Variants in COPS9 observed in about 807,000 individuals in gnomAD.
COPS9 encodes COP9 signalosome subunit 9, also known as COP9 signalosome complex subunit 9.
COPS9 carries 8 observed loss-of-function variants against 7.2 expected under a neutral mutation model. The ratio of observed to expected loss-of-function variants is 1.11; its 90% CI spans 0.65 to 2.00. The LOEUF (loss-of-function observed/expected upper bound fraction) is 2.00. Among genes scored for constraint, COPS9 ranks in the 30% most tolerant of loss-of-function variants. The pLI is 0.00. For missense variants in COPS9, 74 were observed against 77.7 expected (o/e 0.95, Z 0.18); for synonymous variants, 39 against 28.7 (o/e 1.36, Z -1.14).
chr2:240,132,109 C>T lies in COPS9; in HGVS notation c.137-1021G>A, dbSNP rs1445108861. ...CACCTTCCGACCTCTGCTCTGCTGC[C>T]CCCTCTGGAGAAACCTCCCTCTGCA... On this transcript the variant is annotated intron_variant, in intron 2 of 2. Coordinates refer to ENST00000607357, the MANE Select transcript of COPS9 (RefSeq NM_001163424.2). This position sits in a 1 kb window ranked among gnomAD's most constrained non-coding sequence, Gnocchi z 4.1. Among the ~76,000 whole-genome samples the T allele has an allele frequency of 6.6e-6, 1 of 152,202 alleles. No homozygotes were observed. The highest frequency in any genetic ancestry group is 1.5e-5 in the Non-Finnish European group (1 of 68,044).
intron 1 of COPS9, among the ~76,000 whole-genome samples, chr2:240,135,052 G>A (rs2071961675): frequency 2.0e-5 from 3 of 152,140 alleles, no homozygotes; most frequent in Admixed American, 1.3e-4. Flanking sequence ...AGTGCTTCGG[G>A]AGCGGGGTGC....
chr2:240,129,877 A>G (rs2071903277), downstream of COPS9: 2 of 1,580,970 alleles, frequency 1.3e-6, no homozygotes, highest in Non-Finnish European at 1.7e-6. Context: ...CGTGCGGCCC[A>G]GTGCAGACCT....
Position 240,134,006 on chromosome 2 carries a change from C to T in COPS9, c.64-1G>A. ...TCAAGAGCCCGGTGCTGCCTCCCGC[C>T]TGGGGAATGGAAAGGCAAGGTTATG... On this transcript the variant is annotated splice_acceptor_variant, in intron 1 of 2. Coordinates refer to ENST00000607357, the MANE Select transcript of COPS9 (RefSeq NM_001163424.2). LOFTEE classifies it high-confidence loss of function. The T allele has an allele frequency of 6.2e-7, 1 of 1,614,116 alleles. No individual in the cohort carries two copies. The highest frequency in any genetic ancestry group is 1.1e-5 in the South Asian group (1 of 91,076).
downstream of COPS9, among the ~76,000 whole-genome samples, chr2:240,129,201 G>C (rs1335286360): frequency 6.6e-6 from 1 of 152,174 alleles, no homozygotes; most frequent in East Asian, 1.9e-4. Flanking sequence ...GGGTTTCCGT[G>C]GCCCAGGCTG....
At chr2:240,134,027 T>C in intron 1 of COPS9, 22 bp from the exon 2 acceptor site, 1 of 1,613,458 alleles carries the variant, frequency 6.2e-7, no homozygotes, top group Non-Finnish European at 8.5e-7. Context: ...AAAGGCAAGG[T>C]TATGTCAGGT....
intron 1 of COPS9, among the ~76,000 whole-genome samples, chr2:240,135,694 T>C (rs986844368): frequency 6.6e-6 from 1 of 152,254 alleles, no homozygotes; most frequent in Non-Finnish European, 1.5e-5. Context: ...AAATGCCAGA[T>C]GTCTCCTTTT....
downstream of COPS9, chr2:240,126,979 G>C: frequency 6.3e-7 from 1 of 1,593,794 alleles, no homozygotes; most frequent in African/African-American, 1.3e-5. Flanking sequence ...CTAGAACGAG[G>C]TCTGGTAGGT....
downstream of COPS9, chr2:240,126,595 TCTTCC>T (rs1258428906): frequency 6.2e-7 from 1 of 1,614,220 alleles, no homozygotes; most frequent in East Asian, 2.2e-5. Flanking sequence ...TGTGTGGTCT[TCTTCC>T]CTTCTTCTCC....
chr2:240,126,810 G>T (rs778714190), downstream of COPS9: 2 of 1,614,166 alleles, frequency 1.2e-6, no homozygotes, highest in Non-Finnish European at 1.7e-6. Context: ...CTCACTTGTT[G>T]CTTTGTTGGT....
intron 1 of COPS9, chr2:240,135,888 T>C: frequency 2.9e-6 from 1 of 341,182 alleles, no homozygotes; most frequent in Non-Finnish European, 5.2e-6. Flanking sequence ...CCCCATGGGG[T>C]GCTGCAGCCA....
At chr2:240,127,070 T>C (rs576516257), downstream of COPS9, 6 of 1,201,588 alleles carry the variant, frequency 5.0e-6, no homozygotes, top group African/African-American at 9.1e-5. Flanking sequence ...GTACAGGAAC[T>C]TAGGACAGAG....
chr2:240,133,952 A>G lies in COPS9; in HGVS notation c.117T>C (p.Val39=). 3.1e-6 allele frequency: 5 copies of G among 1,614,160 alleles called. No homozygotes were observed. Among genetic ancestry groups the G allele is most frequent in the Non-Finnish European group, 3.4e-6 (4 of 1,180,024 alleles). Residue 39 remains valine, a synonymous_variant, in exon 2 of 3, where the codon GTT becomes GTC. Coordinates refer to ENST00000607357, the MANE Select transcript of COPS9 (RefSeq NM_001163424.2). ...CCTTACCGTTAAAAAAGTCTGCATG[A>G]ACGGCCTTTTCATTGGCTGCCAAGT... ...LMDLAANEKA[V]HADFFNDFED...
chr2:240,127,588 G>A (rs76810513), downstream of COPS9, among the ~76,000 whole-genome samples: 2,358 of 152,248 alleles, frequency 0.015, 43 homozygotes, highest in East Asian at 0.089. Flanking sequence ...GACCTCTGGA[G>A]GGTGATTAGG....
downstream of COPS9, among the ~76,000 whole-genome samples, chr2:240,128,042 C>T (rs1433677157): frequency 2.0e-5 from 3 of 152,310 alleles, no homozygotes; most frequent in East Asian, 3.9e-4. Flanking sequence ...ACAAAACCTG[C>T]GCTGTGTGGC....
chr2:240,131,459 G>C (rs2071922460), intron 2 of COPS9, among the ~76,000 whole-genome samples: 1 of 152,236 alleles, frequency 6.6e-6, no homozygotes, highest in Admixed American at 6.5e-5. Context: ...TCGCTGCCGG[G>C]GCCGGGGAGA....
chr2:240,130,122 T>C (rs2071906791), downstream of COPS9: 15 of 1,008,968 alleles, frequency 1.5e-5, no homozygotes, highest in East Asian at 3.2e-4. Flanking sequence ...TGACATTCGG[T>C]TCTGCTTAAG....
intron 1 of COPS9, among the ~76,000 whole-genome samples, chr2:240,134,661 G>C (rs2071956452): frequency 6.6e-6 from 1 of 152,142 alleles, no homozygotes; most frequent in Non-Finnish European, 1.5e-5. Flanking sequence ...GCATTCACAA[G>C]GCCGCTTGCT....
downstream of COPS9, among the ~76,000 whole-genome samples, chr2:240,129,375 A>C (rs1023637167): frequency 5.9e-5 from 9 of 152,106 alleles, no homozygotes; most frequent in Admixed American, 2.0e-4. Context: ...TCTGTTGCCC[A>C]GGTTGGTCTC....
chr2:240,134,082 ACCCCC>A, intron 1 of COPS9, 77 bp from the exon 2 acceptor site: 1 of 1,338,126 alleles, frequency 7.5e-7, no homozygotes, highest in South Asian at 1.2e-5. Flanking sequence ...CAGGGCCACT[ACCCCC>A]ACAAAAAAAG....
Sources: gnomAD v4.1 joint callset for allele counts (sites outside exome capture counted in the v4.1 genomes callset) on GRCh38, gnomAD v4.1.1 for gene constraint, Gnocchi (gnomAD v3.1) non-coding constraint, MANE v1.5 for transcripts, NCBI Gene and HGNC (gene_info 2026-07-23, HGNC 2026-07-21) for gene names.